C20orf173: variants seen among roughly 807,000 people sequenced by gnomAD.
C20orf173 encodes chromosome 20 open reading frame 173, also known as uncharacterized protein C20orf173.
A neutral mutation model predicts 26.7 loss-of-function variants in C20orf173; 22 were observed. That is an observed-to-expected ratio of 0.82 (90% CI 0.59 to 1.18). The LOEUF (loss-of-function observed/expected upper bound fraction) is 1.18, where lower values mean the gene tolerates loss of function less well. Ranked by LOEUF, C20orf173 falls within the 50% of genes most tolerant of loss-of-function variation. The pLI is 0.00. For synonymous variants in C20orf173, 85 were observed against 96.4 expected (o/e 0.88, Z 0.69); for missense variants, 210 against 250.3 (o/e 0.84, Z 1.09).
downstream of C20orf173, among the ~76,000 whole-genome samples, chr20:35,525,110 TA>T (rs1276451949): frequency 0.018 from 2,579 of 145,678 alleles, 72 homozygotes; most frequent in African/African-American, 0.06. Context: ...TGTGTTACTT[TA>T]AAAAAAAAAA....
In C20orf173 at chr20:35,528,387, G is replaced by A. The variant is rs1186014156; in HGVS notation, c.582+64C>T. The A allele has an allele frequency of 1.7e-5, 26 of 1,545,540 alleles. 1 individual carries two copies. Among genetic ancestry groups the A allele is most frequent in the Non-Finnish European group, 4.4e-6 (5 of 1,141,518 alleles). On this transcript the variant is annotated intron_variant, in intron 4 of 5. Transcript: ENST00000444723. ...AGAAGGTCTTCCCAGAGCCCCTGCTGTTACTCCCTGCAGTGACCTCCCCTC... is the reference window on the plus strand; with the variant it reads ...AGAAGGTCTTCCCAGAGCCCCTGCTATTACTCCCTGCAGTGACCTCCCCTC...
intron 4 of C20orf173, 22 bp from the exon 5 acceptor site, chr20:35,528,306 G>A (rs952896711): frequency 1.3e-6 from 2 of 1,551,874 alleles, no homozygotes; most frequent in Non-Finnish European, 1.7e-6. Context: ...TTGGAGGTGG[G>A]GGAGTTTGGG....
intron 5 of C20orf173, 112 bp downstream of exon 5, chr20:35,528,121 G>T: frequency 1.1e-6 from 1 of 880,962 alleles, no homozygotes; most frequent in Non-Finnish European, 1.9e-6. Flanking sequence ...ACCCTGGTAA[G>T]ACAGCCAGTT....
intron 2 of C20orf173, 68 bp downstream of exon 2, chr20:35,528,997 G>A (rs561574739): frequency 6.5e-7 from 1 of 1,534,984 alleles, no homozygotes; most frequent in South Asian, 1.2e-5. Flanking sequence ...GATTTGGGCG[G>A]AAAGTGGGAG....
At chr20:35,526,371 A>G (rs1404638323), downstream of C20orf173, among the ~76,000 whole-genome samples, 1 of 152,282 alleles carries the variant, frequency 6.6e-6, no homozygotes, top group East Asian at 1.9e-4. Context: ...CACACCTGTA[A>G]TCCCAGCACT....
chr20:35,522,008 A>G (rs1245530820), downstream of C20orf173: 2 of 152,632 alleles, frequency 1.3e-5, no homozygotes, highest in Non-Finnish European at 2.9e-5. Context: ...CAGAGCCACA[A>G]ACTCCAAGGA....
chr20:35,524,426 C>T (rs1267203459), downstream of C20orf173, among the ~76,000 whole-genome samples: 1 of 152,152 alleles, frequency 6.6e-6, no homozygotes, highest in African/African-American at 2.4e-5. Context: ...AAAAGATTTA[C>T]ATACCCAAGT....
downstream of C20orf173, among the ~76,000 whole-genome samples, chr20:35,524,235 G>T (rs1302674821): frequency 2.0e-5 from 3 of 151,636 alleles, no homozygotes; most frequent in Admixed American, 2.0e-4. Context: ...TGGCCAGGCT[G>T]GTCTCAAACT....
Position 35,528,751 on chromosome 20 carries a change from C to T in C20orf173, c.438G>A (p.Pro146=). 3.2e-6 allele frequency: 5 copies of T among 1,547,066 alleles called. No individual in the cohort carries two copies. The highest frequency in any genetic ancestry group is 1.4e-5 in the African/African-American group (1 of 72,896). Residue 146 remains proline, a synonymous_variant, in exon 3 of 6, where the codon CCG becomes CCA. Coordinates refer to ENST00000444723, the MANE Select transcript of C20orf173 (RefSeq NM_001145350.2). ...TGTCGTTGCCAAGGCTGGAGCCCTGCGGGATCTGTGGGCGCCCCAACAGCA... is the reference window on the plus strand; with the variant it reads ...TGTCGTTGCCAAGGCTGGAGCCCTGTGGGATCTGTGGGCGCCCCAACAGCA... The part of the protein sequence containing the change: ...TCVLLGRPQI[P]QGSSLGNDID...
chr20:35,523,372 C>T (rs2038691409), downstream of C20orf173: 2 of 152,254 alleles, frequency 1.3e-5, no homozygotes, highest in Admixed American at 1.3e-4. Context: ...GCCCCGACAC[C>T]TGGCACCGGG....
downstream of C20orf173, among the ~76,000 whole-genome samples, chr20:35,521,818 G>A (rs527774402): frequency 8.4e-4 from 128 of 152,202 alleles, no homozygotes; most frequent in Non-Finnish European, 1.7e-3. Context: ...ATGTTGGTCA[G>A]GCTGGTCTCG....
chr20:35,523,987 A>T (rs2064489217), downstream of C20orf173, among the ~76,000 whole-genome samples: 1 of 147,722 alleles, frequency 6.8e-6, no homozygotes, highest in African/African-American at 2.5e-5. Context: ...AGCCCTTAAC[A>T]CCTCTCAGGG....
intron 1 of C20orf173, 60 bp downstream of exon 1, chr20:35,529,499 C>A (rs1182707643): frequency 2.4e-6 from 2 of 834,330 alleles, no homozygotes; most frequent in Non-Finnish European, 3.6e-6. Flanking sequence ...AACTCCCCAT[C>A]CCACCACCTT....
At chr20:35,528,348 C>G (rs192243386) in intron 4 of C20orf173, 64 bp from the exon 5 acceptor site, 71 of 1,549,332 alleles carry the variant, frequency 4.6e-5, no homozygotes, top group Non-Finnish European at 5.9e-5. Context: ...TGCAAGTGTC[C>G]CCAGTAAGCC....
chr20:35,528,162 G>T, intron 5 of C20orf173, 71 bp downstream of exon 5: 1 of 1,342,626 alleles, frequency 7.4e-7, no homozygotes, highest in South Asian at 1.3e-5. Flanking sequence ...GGAAGGGGGA[G>T]GGAACTGACC....
chr20:35,526,774 G>T (rs980291216), downstream of C20orf173, among the ~76,000 whole-genome samples: 3 of 102,224 alleles, frequency 2.9e-5, no homozygotes, highest in Non-Finnish European at 2.0e-5. Context: ...GGTGAAACAA[G>T]GAGGTTTACT....
At chr20:35,521,810 G>A (rs1194593286), downstream of C20orf173, among the ~76,000 whole-genome samples, 6 of 152,098 alleles carry the variant, frequency 3.9e-5, no homozygotes, top group Admixed American at 3.3e-4. Context: ...GTTTCTCCAT[G>A]TTGGTCAGGC....
rs767874976 is a variant in C20orf173, at chr20:35,529,330, A to G, written c.44T>C (p.Leu15Pro). 57 of 1,549,872 alleles carry G rather than the reference A, an allele frequency of 3.7e-5. No homozygotes were observed. The highest frequency in any genetic ancestry group is 4.9e-5 in the Non-Finnish European group (56 of 1,146,316). Reference protein sequence around the residue: ...QIFVLWVFWVLILWLMTPYLD... With the variant: ...QIFVLWVFWVPILWLMTPYLD... ...ATAGGGGGTCATCAGCCAGAGGATG[A>G]GCACCCAAAAGACCCACAGGACAAA... is the stretch of plus-strand genomic sequence containing the variant. Residue 15 changes from leucine to proline, a missense_variant, in exon 2 of 6, where the codon CTC becomes CCC. Physicochemically the swap from Leu to Pro is moderately conservative, Grantham distance 98. Coordinates refer to ENST00000444723, the MANE Select transcript of C20orf173 (RefSeq NM_001145350.2).
downstream of C20orf173, among the ~76,000 whole-genome samples, chr20:35,524,750 G>A (rs900917627): frequency 4.0e-5 from 6 of 150,510 alleles, no homozygotes; most frequent in Non-Finnish European, 7.4e-5. Context: ...CCAGGCTGGA[G>A]TGCAATGGCA....
Sources: allele counts gnomAD v4.1 joint callset (sites outside exome capture counted in the v4.1 genomes callset), GRCh38; gene constraint gnomAD v4.1.1; transcripts MANE v1.5; gene names NCBI Gene and HGNC (gene_info 2026-07-23, HGNC 2026-07-21).